The following COL1A2 variants were observed in gnomAD, a reference collection of about 807,000 sequenced individuals.
COL1A2 encodes the protein collagen type I alpha 2 chain.
COL1A2 carries 49 observed loss-of-function variants against 174.3 expected under a neutral mutation model. The ratio of observed to expected loss-of-function variants is 0.28; its 90% CI spans 0.22 to 0.36. COL1A2 has a LOEUF of 0.36. Ranked by LOEUF, COL1A2 falls within the 10% of genes least tolerant of loss-of-function variation. COL1A2 has a pLI of 1.00. For synonymous variants in COL1A2, 655 were observed against 606.6 expected, an observed-to-expected ratio of 1.08 and a Z score of -1.17; for missense variants, 1,438 against 1,822.7, an observed-to-expected ratio of 0.79 and a Z score of 3.84.
At chr7:94,399,978 T>C (rs1187451387) in intron 4 of COL1A2, 2 of 683,146 alleles carry the variant, frequency 2.9e-6, no homozygotes, top group Non-Finnish European at 2.7e-6. Context: ...ATGGCCGAGA[T>C]AGTTCTTTAG....
intron 25 of COL1A2, 125 bp downstream of exon 25, chr7:94,412,807 C>A: frequency 1.2e-6 from 1 of 854,510 alleles, no homozygotes; most frequent in Non-Finnish European, 1.9e-6. Context: ...AGGAAAACTG[C>A]AGGCCACTTA....
At chr7:94,425,285 A>G (rs546741961) in intron 42 of COL1A2, 61 bp downstream of exon 42, 8 of 1,482,178 alleles carry the variant, frequency 5.4e-6, no homozygotes, top group South Asian at 2.3e-5. Flanking sequence ...GTGAAACTTT[A>G]TGTCCTGAGC....
chr7:94,429,631 A>G, intron 51 of COL1A2: 1 of 561,018 alleles, frequency 1.8e-6, no homozygotes, highest in South Asian at 2.3e-5. Flanking sequence ...ACTTAAATTC[A>G]GATGATAAAT....
At chr7:94,414,093 G>T in intron 28 of COL1A2, 129 bp from the exon 29 acceptor site, 1 of 1,303,962 alleles carries the variant, frequency 7.7e-7, no homozygotes, top group Non-Finnish European at 1.1e-6. Flanking sequence ...ACAAACTTTT[G>T]TGTAATGCTT....
chr7:94,408,519 A>G, intron 15 of COL1A2, 139 bp downstream of exon 15: 1 of 1,168,270 alleles, frequency 8.6e-7, no homozygotes, highest in Non-Finnish European at 1.3e-6. Flanking sequence ...GGCTCCATTT[A>G]TAAGTAGTGT....
At position 94,394,977 on chromosome 7, in the gene COL1A2, G is replaced by A. The variant is rs1477241563; in HGVS notation, c.-55G>A. ...CCCGCGCCCGCCAGGTGATACCTCCGCCGGTGACCCAGGGGCTCTGCGACA... is the reference window on the plus strand; with the variant it reads ...CCCGCGCCCGCCAGGTGATACCTCCACCGGTGACCCAGGGGCTCTGCGACA... On this transcript the variant is annotated 5_prime_UTR_variant, in exon 1 of 52. Coordinates refer to ENST00000297268, the MANE Select transcript of COL1A2 (RefSeq NM_000089.4). 1.3e-5 allele frequency: 20 copies of A among 1,544,498 alleles called. No individual in the cohort carries two copies. The highest frequency in any genetic ancestry group is 1.8e-5 in the Non-Finnish European group (20 of 1,118,552).
rs1483126036 is a variant in COL1A2, at chr7:94,429,956, AC to A, written c.3955-290del. 8.7e-6 allele frequency: 4 copies of A among 458,110 alleles called. No individual in the cohort carries two copies. In the Admixed American group the frequency reaches 1.0e-4, roughly 12 times the overall value. The allele number at this position is 458,110 out of a possible 1,614,324, so 28.4% of individuals were successfully genotyped here. On this transcript the variant is annotated intron_variant, in intron 51 of 51. Transcript: ENST00000297268. ...AAGACACACATAGAGGGACATACACACAACAATCCTAAAAATGACTTTGTAG... is the reference window on the plus strand; with the variant it reads ...AAGACACACATAGAGGGACATACACAAACAATCCTAAAAATGACTTTGTAG...
chr7:94,426,322 TC>T, intron 45 of COL1A2, 100 bp from the exon 46 acceptor site: 17 of 1,117,246 alleles, frequency 1.5e-5, no homozygotes, highest in Non-Finnish European at 2.3e-5. Context: ...CCATTACATG[TC>T]CTGAGTTACC....
Position 94,401,547 on chromosome 7 carries a change from T to C in COL1A2, c.226-20T>C, listed in dbSNP as rs1474538611. 1 of 1,255,846 alleles carries C rather than the reference T, an allele frequency of 8.0e-7. No homozygotes were observed. Among genetic ancestry groups the C allele is most frequent in the East Asian group, 3.2e-5 (1 of 31,476 alleles). 77.8% of individuals were successfully genotyped at this position (1,255,846 alleles called of 1,614,324 possible). On this transcript the variant is annotated intron_variant, in intron 5 of 51. Transcript: ENST00000297268. ...AAATATTTTATATATATATATAATTTTTTTTTTTTACTTCTCTAGAACTTT... is the reference window on the plus strand; with the variant it reads ...AAATATTTTATATATATATATAATTCTTTTTTTTTACTTCTCTAGAACTTT...
chr7:94,421,755 T>A, intron 38 of COL1A2, 144 bp from the exon 39 acceptor site: 2 of 799,276 alleles, frequency 2.5e-6, no homozygotes, highest in South Asian at 1.5e-5. Context: ...GGCTAAATAA[T>A]GCCCTATATG....
At chr7:94,421,160 G>A (rs1584326793) in intron 38 of COL1A2, 98 bp downstream of exon 38, 1 of 1,246,942 alleles carries the variant, frequency 8.0e-7, no homozygotes, top group East Asian at 2.3e-5. Context: ...GGACTACCAT[G>A]AGGAAACTTT....
chr7:94,428,400 C>CGTTTT lies in COL1A2; in HGVS notation c.3634_3635insGTTTT (p.Pro1212ArgfsTer19), dbSNP rs1792331590. On this transcript the variant is annotated frameshift_variant, in exon 50 of 52. Transcript: ENST00000297268. LOFTEE classifies it high-confidence loss of function. Reference sequence around the variant, plus strand: ...TATCCGGGCCCAACCTGAAAACATCCCAGCCAAGAACTGGTATAGGAGCTC... The same window carrying CGTTTT: ...TATCCGGGCCCAACCTGAAAACATCCGTTTTCAGCCAAGAACTGGTATAGGAGCTC... 1 of 1,613,964 alleles carries CGTTTT rather than the reference C, an allele frequency of 6.2e-7. No individual in the cohort carries two copies. The highest frequency in any genetic ancestry group is 8.5e-7 in the Non-Finnish European group (1 of 1,179,992).
intron 29 of COL1A2, 120 bp downstream of exon 29, chr7:94,414,395 T>C: frequency 1.1e-6 from 1 of 919,178 alleles, no homozygotes; most frequent in Non-Finnish European, 1.7e-6. Flanking sequence ...CATATGTTAA[T>C]GATAGTGTTT....
In COL1A2 at chr7:94,413,834, C is replaced by T. The variant is rs370968699; in HGVS notation, c.1612-60C>T. 3.0e-5 allele frequency: 49 copies of T among 1,608,590 alleles called. No individual in the cohort carries two copies. In the African/African-American group the frequency reaches 5.9e-4, roughly 19 times the overall value. On this transcript the variant is annotated intron_variant, in intron 27 of 51. Transcript: ENST00000297268. ...CTCCATTTTCAGTCCAAAAGTTATA[C>T]AGCTAGACAACAGTGGTGACATACG...
In COL1A2 at chr7:94,411,068, A is replaced by T. The variant is rs1201866454; in HGVS notation, c.1264A>T (p.Ser422Cys). 1.9e-6 allele frequency: 3 copies of T among 1,592,064 alleles called. No individual in the cohort carries two copies. Among genetic ancestry groups the T allele is most frequent in the Non-Finnish European group, 2.6e-6 (3 of 1,172,126 alleles). The change falls in exon 23 of 52, where the codon AGT becomes TGT. Residue 422 changes from serine (S) to cysteine (C), a missense_variant. Coordinates refer to ENST00000297268, the MANE Select transcript of COL1A2 (RefSeq NM_000089.4). ...GRAGVMGPPG[S>C]RGASGPAGVR... The stretch of plus-strand genomic sequence containing the variant: ...TTTTTTTGAATAGGGCCCTCCTGGT[A>T]GTCGTGGTGCAAGTGGCCCTGCTGG...
chr7:94,403,355 A>T (rs1229245898), intron 6 of COL1A2, among the ~76,000 whole-genome samples: 1 of 152,202 alleles, frequency 6.6e-6, no homozygotes, highest in African/African-American at 2.4e-5. Flanking sequence ...GTATTAAAAT[A>T]ATTTCCATGT....
chr7:94,430,330 T>C lies in COL1A2; in HGVS notation c.4038T>C (p.Pro1346=). The change falls in exon 52 of 52, where the codon CCT becomes CCC. Residue 1346 remains proline (P), a synonymous_variant. Coordinates refer to ENST00000297268, the MANE Select transcript of COL1A2 (RefSeq NM_000089.4). ...GCCTGCCCTTCCTTGATATTGCACC[T>C]TTGGACATCGGTGGTGCTGACCAGG... ...PSRLPFLDIA[P]LDIGGADQEF... The C allele has an allele frequency of 6.2e-7, 1 of 1,614,066 alleles. No individual in the cohort carries two copies. The highest frequency in any genetic ancestry group is 8.5e-7 in the Non-Finnish European group (1 of 1,179,942).
intron 32 of COL1A2, 53 bp from the exon 33 acceptor site, chr7:94,418,446 G>A (rs1024103933): frequency 9.3e-6 from 14 of 1,497,710 alleles, no homozygotes; most frequent in South Asian, 2.3e-5. Context: ...TATTAATTTC[G>A]ATTCAAAATT....
intron 34 of COL1A2, 30 bp downstream of exon 34, chr7:94,419,581 C>G: frequency 6.2e-7 from 1 of 1,613,710 alleles, no homozygotes. Context: ...AAGCCAACAG[C>G]AATATCTAAA....
Sources: gnomAD v4.1 joint callset for allele counts (sites outside exome capture counted in the v4.1 genomes callset) on GRCh38, gnomAD v4.1.1 for gene constraint, MANE v1.5 for transcripts, NCBI Gene and HGNC (gene_info 2026-07-23, HGNC 2026-07-21) for gene names.